EML4: variants seen among roughly 807,000 people sequenced by gnomAD.
EML4 encodes EMAP like 4.
A neutral mutation model predicts 129.0 loss-of-function variants in EML4; 72 were observed. The ratio of observed to expected loss-of-function variants is 0.56; its 90% CI spans 0.46 to 0.68. The LOEUF is 0.68. Among genes scored for constraint, EML4 ranks in the 30% least tolerant of loss-of-function variants. EML4 has a pLI of 0.00. For synonymous variants in EML4, 532 were observed against 405.0 expected, an observed-to-expected ratio of 1.31 and a Z score of -3.77; for missense variants, 1,363 against 1,190.6, an observed-to-expected ratio of 1.14 and a Z score of -2.13.
chr2:42,249,027 C>T (rs1321404952), intron 2 of EML4, among the ~76,000 whole-genome samples: 2 of 152,074 alleles, frequency 1.3e-5, no homozygotes, highest in Admixed American at 1.3e-4. Flanking sequence ...TTATTTATAG[C>T]ATATCGTTGA....
chr2:42,265,341 G>A (rs989675943), intron 6 of EML4, among the ~76,000 whole-genome samples: 2 of 152,174 alleles, frequency 1.3e-5, no homozygotes, highest in African/African-American at 2.4e-5. Context: ...CTGACCTCAG[G>A]TGATCAGCCC....
chr2:42,287,652 A>G (rs543265302), intron 10 of EML4, among the ~76,000 whole-genome samples: 3 of 152,332 alleles, frequency 2.0e-5, no homozygotes, highest in East Asian at 1.9e-4. Context: ...AAATACGTGA[A>G]TGAGAATGGT....
rs896975180 is a variant in EML4 at position 42,230,051 on chromosome 2, A to C, written c.26-15454A>C. Among the ~76,000 whole-genome samples, 13 of 152,274 alleles carry C rather than the reference A, an allele frequency of 8.5e-5. No homozygotes were observed. In the East Asian group the frequency reaches 1.9e-3, roughly 23 times the overall value. On this transcript the variant is annotated intron_variant, in intron 1 of 22. Transcript: ENST00000318522. ...TTCTTCCAGATTCCCCCTCAGCTAC[A>C]CGAAACTTCTAATAAAGGGGGTTCT...
chr2:42,273,888 C>T (rs963701407), intron 6 of EML4, among the ~76,000 whole-genome samples: 3 of 152,090 alleles, frequency 2.0e-5, no homozygotes, highest in African/African-American at 7.2e-5. Context: ...AACATGCTTA[C>T]AGATTCCATT....
chr2:42,330,388 T>A lies in EML4; in HGVS notation c.*181T>A. The A allele has an allele frequency of 1.5e-6, 1 of 688,172 alleles. No homozygotes were observed. The highest frequency in any genetic ancestry group is 2.6e-6 in the Non-Finnish European group (1 of 384,084). 42.6% of individuals were successfully genotyped at this position (688,172 alleles called of 1,614,324 possible). A position where few individuals can be genotyped will look rare whatever the true frequency, so the allele number is the denominator to read the frequency against. On this transcript the variant is annotated 3_prime_UTR_variant, in exon 23 of 23. Coordinates refer to ENST00000318522, the MANE Select transcript of EML4 (RefSeq NM_019063.5). ...AAATACAGCCAACTTAAAGTTTTAG[T>A]TTGGTGTTTATTGAAAATTAACCAA...
intron 1 of EML4, among the ~76,000 whole-genome samples, chr2:42,198,126 G>A (rs962659802): frequency 1.3e-5 from 2 of 152,192 alleles, no homozygotes; most frequent in Non-Finnish European, 2.9e-5. Flanking sequence ...AGGTTAGGTA[G>A]TAATGGAAAA....
intron 5 of EML4, among the ~76,000 whole-genome samples, chr2:42,263,593 C>CG (rs1332662957): frequency 6.7e-6 from 1 of 149,008 alleles, no homozygotes; most frequent in Non-Finnish European, 1.5e-5. Flanking sequence ...TTAGTAGAGA[C>CG]GGGGTTTCAC....
rs549390747 is a variant in EML4 at position 42,299,344 on chromosome 2, T to A, written c.1490-1897T>A. 2.0e-5 allele frequency among the ~76,000 whole-genome samples: 3 copies of A among 152,316 alleles called. No homozygotes were observed. The South Asian group carries it at 6.2e-4, about 32-fold the overall frequency. ...TAAGTATAATAGCAGCTCAAATAGATGAGTAAAAAAGAACAATCTCAGTAA... is the reference window on the plus strand; with the variant it reads ...TAAGTATAATAGCAGCTCAAATAGAAGAGTAAAAAAGAACAATCTCAGTAA... On this transcript the variant is annotated intron_variant, in intron 13 of 22. Coordinates refer to ENST00000318522, the MANE Select transcript of EML4 (RefSeq NM_019063.5).
chr2:42,298,078 A>G (rs1231648748), intron 13 of EML4, among the ~76,000 whole-genome samples: 1 of 152,194 alleles, frequency 6.6e-6, no homozygotes, highest in Non-Finnish European at 1.5e-5. Flanking sequence ...GGTAAGTGGA[A>G]GTTGAGAGTA....
chr2:42,194,802 C>T (rs1053064276), intron 1 of EML4, among the ~76,000 whole-genome samples: 14 of 152,090 alleles, frequency 9.2e-5, no homozygotes, highest in African/African-American at 2.9e-4. Context: ...TGAGCCACTG[C>T]TTGGCCAGGA....
chr2:42,222,992 G>T (rs1204617699), intron 1 of EML4, among the ~76,000 whole-genome samples: 1 of 151,920 alleles, frequency 6.6e-6, no homozygotes, highest in Non-Finnish European at 1.5e-5. Flanking sequence ...GTAGAGATGG[G>T]GTGTCACTGT....
chr2:42,256,146 C>T (rs1676137234), intron 2 of EML4, among the ~76,000 whole-genome samples: 1 of 152,132 alleles, frequency 6.6e-6, no homozygotes, highest in African/African-American at 2.4e-5. Flanking sequence ...TTTTAACAAG[C>T]TGTTTTTGAA....
In EML4 at chr2:42,302,754, G is replaced by A. The variant is rs138572139; in HGVS notation, c.1642-350G>A. Among the ~76,000 whole-genome samples, 725 of 152,112 alleles carry A rather than the reference G, an allele frequency of 4.8e-3. 2 individuals carry two copies. The highest frequency in any genetic ancestry group is 0.017 in the African/African-American group (699 of 41,488). On this transcript the variant is annotated intron_variant, in intron 14 of 22. Transcript: ENST00000318522. Reference sequence around the variant, plus strand: ...TCACCATGTTGGCCAGGCTGGTCTCGAACTCCTGACCTCAGGTGATCCACC... The same window carrying A: ...TCACCATGTTGGCCAGGCTGGTCTCAAACTCCTGACCTCAGGTGATCCACC...
intron 13 of EML4, among the ~76,000 whole-genome samples, chr2:42,296,117 C>G (rs1667934490): frequency 6.6e-6 from 1 of 152,002 alleles, no homozygotes; most frequent in African/African-American, 2.4e-5. Flanking sequence ...GGAAAATAAC[C>G]TTTTTTAAAC....
intron 1 of EML4, among the ~76,000 whole-genome samples, chr2:42,217,865 G>T (rs1488720527): frequency 2.0e-5 from 3 of 151,960 alleles, no homozygotes; most frequent in African/African-American, 7.3e-5. Context: ...TAAATATGTA[G>T]AAGACATGGG....
chr2:42,330,013 A>G lies in EML4; in HGVS notation c.2752A>G (p.Ser918Gly). The change falls in exon 23 of 23, where the codon AGT becomes GGT. Residue 918 changes from serine to glycine, a missense_variant. By Grantham distance (56) the Ser-to-Gly change is moderately conservative. Transcript: ENST00000318522. ...AGCTGAAGAGGAAAGTAGAATAAGC[A>G]GTTCTCCCACACTTCTGGAGAACAG... ...ETAEEESRIS[S>G]SPTLLENSLE... 1 of 1,613,884 alleles carries G rather than the reference A, an allele frequency of 6.2e-7. No homozygotes were observed. Among genetic ancestry groups the G allele is most frequent in the Non-Finnish European group, 8.5e-7 (1 of 1,180,016 alleles).
chr2:42,295,528 T>C lies in EML4; in HGVS notation c.1489+12T>C, dbSNP rs368427839. 5.1e-5 allele frequency: 82 copies of C among 1,605,794 alleles called. No individual in the cohort carries two copies. The highest frequency in any genetic ancestry group is 6.9e-5 in the Non-Finnish European group (81 of 1,177,492). On this transcript the variant is annotated intron_variant, in intron 13 of 22. Coordinates refer to ENST00000318522, the MANE Select transcript of EML4 (RefSeq NM_019063.5). ...GAAAGGACCTAAAGGTACAGTATTC[T>C]TATATTAAACTCATTTCTGGTAATT...
At chr2:42,248,757 GT>G (rs1445736037) in intron 2 of EML4, among the ~76,000 whole-genome samples, 1 of 151,854 alleles carries the variant, frequency 6.6e-6, no homozygotes, top group Non-Finnish European at 1.5e-5. Context: ...TGCTAAGATG[GT>G]TCATTCTTTG....
At chr2:42,281,988 C>T (rs1331351678) in intron 7 of EML4, among the ~76,000 whole-genome samples, 1 of 152,196 alleles carries the variant, frequency 6.6e-6, no homozygotes, top group Non-Finnish European at 1.5e-5. Flanking sequence ...AACATTCTGC[C>T]TACCAAACTG....
Sources: gnomAD v4.1 joint callset for allele counts (sites outside exome capture counted in the v4.1 genomes callset) on GRCh38, gnomAD v4.1.1 for gene constraint, MANE v1.5 for transcripts, NCBI Gene and HGNC (gene_info 2026-07-23, HGNC 2026-07-21) for gene names.